PDE10A: variants seen among roughly 807,000 people sequenced by gnomAD.
The protein encoded by PDE10A is cAMP and cAMP-inhibited cGMP 3',5'-cyclic phosphodiesterase 10A.
A neutral mutation model predicts 97.7 loss-of-function variants in PDE10A; 39 were observed. The ratio of observed to expected loss-of-function variants is 0.40; its 90% confidence interval spans 0.31 to 0.52. The LOEUF (loss-of-function observed/expected upper bound fraction) is 0.52, where lower values mean the gene tolerates loss of function less well. PDE10A is among the 20% of genes least tolerant of loss of function. PDE10A has a pLI of 0.56. For synonymous variants in PDE10A, 371 were observed against 376.8 expected (o/e 0.98, Z 0.18); for missense variants, 731 against 1,047.8 (o/e 0.70, Z 4.17).
intron 17 of PDE10A, among the ~76,000 whole-genome samples, chr6:165,387,023 A>G (rs1008058537): frequency 5.9e-5 from 9 of 152,104 alleles, no homozygotes; most frequent in African/African-American, 2.2e-4. Flanking sequence ...CTCAAAAAAA[A>G]AATTTCTATG....
At chr6:165,438,590 C>T (rs887387582) in intron 5 of PDE10A, among the ~76,000 whole-genome samples, 6 of 152,158 alleles carry the variant, frequency 3.9e-5, no homozygotes, top group Non-Finnish European at 7.3e-5. Context: ...GTTTACAGTA[C>T]ATTTTATGAC....
intron 1 of PDE10A, among the ~76,000 whole-genome samples, chr6:165,832,396 T>C (rs1199349521): frequency 1.3e-5 from 2 of 151,410 alleles, no homozygotes; most frequent in African/African-American, 2.4e-5. Flanking sequence ...AGATGATTTA[T>C]GGAGCTGGAC....
chr6:165,791,791 G>A (rs748034569), intron 1 of PDE10A, among the ~76,000 whole-genome samples: 3 of 152,288 alleles, frequency 2.0e-5, no homozygotes, highest in South Asian at 2.1e-4. Flanking sequence ...TAGGAAAAGC[G>A]TTTCTTGGGC....
At chr6:165,843,006 C>CA (rs1361163698) in intron 1 of PDE10A, among the ~76,000 whole-genome samples, 1 of 152,194 alleles carries the variant, frequency 6.6e-6, no homozygotes. Context: ...ATCTGACACA[C>CA]AAATGTGGGT....
At chr6:165,650,249 C>G (rs1474556753) in intron 1 of PDE10A, among the ~76,000 whole-genome samples, 1 of 152,138 alleles carries the variant, frequency 6.6e-6, no homozygotes, top group Admixed American at 6.5e-5. Context: ...CTTGCTAATT[C>G]TGAAATTTAA....
intron 1 of PDE10A, among the ~76,000 whole-genome samples, chr6:165,691,075 T>TCTC (rs1562686771): frequency 1.1e-3 from 55 of 50,404 alleles, no homozygotes; most frequent in East Asian, 5.1e-3. Context: ...CTCTCTCTCT[T>TCTC]TCTCTCTCTC....
intron 1 of PDE10A, among the ~76,000 whole-genome samples, chr6:165,794,494 A>T (rs555767127): frequency 7.4e-4 from 112 of 151,116 alleles, no homozygotes; most frequent in African/African-American, 2.5e-3. Flanking sequence ...TACACACACT[A>T]CACACTCACA....
Position 165,655,924 on chromosome 6 carries a change from A to G in PDE10A, c.865+6023T>C, listed in dbSNP as rs1389372992. Among the ~76,000 whole-genome samples, 1 of 151,978 alleles carries G rather than the reference A, an allele frequency of 6.6e-6. No individual in the cohort carries two copies. Among genetic ancestry groups the G allele is most frequent in the Non-Finnish European group, 1.5e-5 (1 of 68,000 alleles). ...AGGGTGCTTTTCCCCAGATAACTGC[A>G]TGGCCGATGACACCTTGTCACTCAG... On this transcript the variant is annotated intron_variant, in intron 1 of 21. Coordinates refer to ENST00000539869, the MANE Select transcript of PDE10A (RefSeq NM_001385079.1). This position sits in a 1 kb window ranked among gnomAD's most constrained non-coding sequence, Gnocchi z 4.5.
At chr6:165,943,190 AGAAAG>A (rs1562809520) in intron 1 of PDE10A, among the ~76,000 whole-genome samples, 256 of 50,268 alleles carry the variant, frequency 5.1e-3, no homozygotes, top group Middle Eastern at 0.019. Flanking sequence ...AAAGAAAGAA[AGAAAG>A]AAAGAAAGAA....
In PDE10A at chr6:165,562,149, T is replaced by C. The variant is rs116266455; in HGVS notation, c.866-18581A>G. Among the ~76,000 whole-genome samples the C allele has an allele frequency of 4.3e-3, 656 of 152,180 alleles. 2 individuals are homozygous for C. The highest frequency in any genetic ancestry group is 0.015 in the African/African-American group (627 of 41,520). ...CTAAATGACTAGACCAGCATGACCA[T>C]CATTAGTTTACTAGATATACTATAT... On this transcript the variant is annotated intron_variant, in intron 1 of 21. Coordinates refer to ENST00000539869, the MANE Select transcript of PDE10A (RefSeq NM_001385079.1).
At chr6:165,483,983 T>G (rs371309968) in intron 2 of PDE10A, among the ~76,000 whole-genome samples, 1 of 152,242 alleles carries the variant, frequency 6.6e-6, no homozygotes, top group African/African-American at 2.4e-5. Flanking sequence ...AAGAAAAAAA[T>G]TTACCTATGG....
At position 165,760,787 on chromosome 6, in the gene PDE10A, G is replaced by A. The variant is rs941591378; in HGVS notation, c.-614-217219C>T. ...AAAATCGAGTTCATAGAAATTAAGTGACTTGTCCCAGGCCCCACAGCTGAT... is the reference window on the plus strand; with the variant it reads ...AAAATCGAGTTCATAGAAATTAAGTAACTTGTCCCAGGCCCCACAGCTGAT... On this transcript the variant is annotated intron_variant, in intron 1 of 19. Transcript: ENST00000366882. 3.9e-5 allele frequency among the ~76,000 whole-genome samples: 6 copies of A among 152,176 alleles called. 1 individual carries two copies. The highest frequency in any genetic ancestry group is 3.9e-4 in the Admixed American group (6 of 15,286).
chr6:165,735,553 A>G (rs13191312), intron 1 of PDE10A, among the ~76,000 whole-genome samples: 2,633 of 152,200 alleles, frequency 0.017, 39 homozygotes, highest in Admixed American at 0.024. Flanking sequence ...TTCAAGATCT[A>G]TAGAAATGAT....
At chr6:165,897,908 C>A (rs1007860823) in intron 1 of PDE10A, among the ~76,000 whole-genome samples, 1 of 152,054 alleles carries the variant, frequency 6.6e-6, no homozygotes, top group East Asian at 1.9e-4. Flanking sequence ...TCCTTAACTC[C>A]TACCTCTCAC....
chr6:165,897,201 C>T (rs1781976104), intron 1 of PDE10A, among the ~76,000 whole-genome samples: 1 of 152,108 alleles, frequency 6.6e-6, no homozygotes, highest in African/African-American at 2.4e-5. Flanking sequence ...TTTGGAAGTG[C>T]TTTGGTGGAA....
chr6:165,846,030 T>C (rs1330135966), intron 1 of PDE10A, among the ~76,000 whole-genome samples: 1 of 151,948 alleles, frequency 6.6e-6, no homozygotes, highest in Non-Finnish European at 1.5e-5. Context: ...TGGGGGCGGG[T>C]TGATGCTTTA....
chr6:165,517,062 A>G (rs537639252), intron 2 of PDE10A, among the ~76,000 whole-genome samples: 48 of 152,296 alleles, frequency 3.2e-4, no homozygotes, highest in African/African-American at 9.9e-4. Flanking sequence ...GAATTATTCA[A>G]TCATTCTATC....
intron 1 of PDE10A, among the ~76,000 whole-genome samples, chr6:165,595,965 C>T (rs1786564117): frequency 6.6e-6 from 1 of 152,190 alleles, no homozygotes; most frequent in Non-Finnish European, 1.5e-5. Context: ...GACAAATATT[C>T]AGACCACAGA....
At chr6:165,771,654 TAAAAAAAAA>T (rs35902541) in intron 1 of PDE10A, among the ~76,000 whole-genome samples, 7 of 106,334 alleles carry the variant, frequency 6.6e-5, no homozygotes, top group Non-Finnish European at 9.9e-5. Context: ...TTTAACAAGA[TAAAAAAAAA>T]AAAAAAAAAA....
Sources: gnomAD v4.1 joint callset for allele counts (sites outside exome capture counted in the v4.1 genomes callset) on GRCh38, gnomAD v4.1.1 for gene constraint, Gnocchi (gnomAD v3.1) non-coding constraint, MANE v1.5 for transcripts, NCBI Gene and HGNC (gene_info 2026-07-23, HGNC 2026-07-21) for gene names.